The following CDHR3 variants were observed in gnomAD, a reference collection of about 807,000 sequenced individuals.
CDHR3 encodes the protein cadherin-related family member 3.
Under a neutral mutation model 86.6 loss-of-function variants are expected in CDHR3, and 79 were observed. The ratio of observed to expected loss-of-function variants is 0.91; its 90% confidence interval spans 0.76 to 1.10. CDHR3 has a LOEUF of 1.10. CDHR3 is among the 50% of genes least tolerant of loss of function. The probability of loss-of-function intolerance (pLI) is 0.00; values close to 1 mark genes in which losing one functional copy is unlikely to be tolerated. For synonymous variants in CDHR3, 421 were observed against 402.4 expected (o/e 1.05, Z -0.55); for missense variants, 1,081 against 1,077.6 (o/e 1.00, Z -0.04).
intron 11 of CDHR3, among the ~76,000 whole-genome samples, chr7:106,016,709 C>T (rs1247757756): frequency 9.9e-5 from 15 of 152,234 alleles, no homozygotes; most frequent in African/African-American, 3.6e-4. Flanking sequence ...CCAAAACGCT[C>T]CCTCTAAAAT....
In CDHR3 at chr7:105,974,944, A is replaced by G. The variant is rs1828567026; in HGVS notation, c.147A>G (p.Ser49=). 2.5e-6 allele frequency: 4 copies of G among 1,613,814 alleles called. No homozygotes were observed. Among genetic ancestry groups the G allele is most frequent in the African/African-American group, 1.3e-5 (1 of 75,034 alleles). ...TGCACAAGTTTTCTGTGAAGTTATCAGCATCATTGTCACCTGTGATCCCAG... is the reference window on the plus strand; with the variant it reads ...TGCACAAGTTTTCTGTGAAGTTATCGGCATCATTGTCACCTGTGATCCCAG... ...TSVHKFSVKL[S]ASLSPVIPGF... The change falls in exon 2 of 19, where the codon TCA becomes TCG. Residue 49 remains serine (S), a synonymous_variant. Coordinates refer to ENST00000317716, the MANE Select transcript of CDHR3 (RefSeq NM_152750.5).
chr7:106,023,438 A>G (rs1836878318), intron 14 of CDHR3, among the ~76,000 whole-genome samples: 1 of 152,198 alleles, frequency 6.6e-6, no homozygotes, highest in African/African-American at 2.4e-5. Flanking sequence ...ATTGGCCTGG[A>G]GAAGGAAGGG....
intron 1 of CDHR3, among the ~76,000 whole-genome samples, chr7:105,969,104 TA>T (rs1827474326): frequency 9.2e-6 from 1 of 108,386 alleles, no homozygotes; most frequent in Admixed American, 9.6e-5. Context: ...AAAATAAAAA[TA>T]AAAAAAGTGG....
intron 14 of CDHR3, 127 bp downstream of exon 14, chr7:106,022,575 A>ATTTT: frequency 7.4e-7 from 1 of 1,346,784 alleles, no homozygotes; most frequent in Non-Finnish European, 1.0e-6. Context: ...GTTGCCAAAA[A>ATTTT]TGGCAACCAT....
At chr7:105,989,413 TA>T (rs1563251503) in intron 4 of CDHR3, among the ~76,000 whole-genome samples, 1 of 151,954 alleles carries the variant, frequency 6.6e-6, no homozygotes, top group Non-Finnish European at 1.5e-5. Context: ...ATTTCTCCAT[TA>T]AGGGGCTTTC....
At chr7:105,986,050 G>A (rs762917338) in intron 4 of CDHR3, among the ~76,000 whole-genome samples, 6 of 152,044 alleles carry the variant, frequency 3.9e-5, no homozygotes, top group Admixed American at 1.3e-4. Context: ...TGCACCTCCC[G>A]GATTTACCTC....
intron 2 of CDHR3, among the ~76,000 whole-genome samples, chr7:105,978,022 G>A (rs1829091221): frequency 1.3e-5 from 2 of 152,234 alleles, no homozygotes; most frequent in Non-Finnish European, 2.9e-5. Context: ...ATGAAGTGGT[G>A]TACTGTTGCT....
intron 1 of CDHR3, among the ~76,000 whole-genome samples, chr7:105,970,374 T>C (rs567232905): frequency 6.6e-6 from 1 of 152,350 alleles, no homozygotes; most frequent in South Asian, 2.1e-4. Context: ...ATCCAGATCT[T>C]AGCCACAAGC....
In CDHR3 at chr7:106,032,431, G is replaced by C. The variant is rs140818720; in HGVS notation, c.2392G>C (p.Ala798Pro). The C allele has an allele frequency of 1.9e-6, 3 of 1,611,762 alleles. No individual in the cohort carries two copies. Among genetic ancestry groups the C allele is most frequent in the East Asian group, 2.2e-5 (1 of 44,818 alleles). Reference sequence around the variant, plus strand: ...ATATGAATTCAACTCAAAAACTGGAGCCAGAAAGTGGAAAGATCCACTAAC... The same window carrying C: ...ATATGAATTCAACTCAAAAACTGGACCCAGAAAGTGGAAAGATCCACTAAC... ...ETYEFNSKTG[A>P]RKWKDPLTQM... is the part of the protein sequence containing the mutation. The change falls in exon 19 of 19, where the codon GCC becomes CCC. Residue 798 changes from alanine (A) to proline (P), a missense_variant. Ala to Pro is a conservative substitution (Grantham distance 27, BLOSUM62 -1). Transcript: ENST00000317716.
intron 2 of CDHR3, among the ~76,000 whole-genome samples, chr7:105,978,068 G>A (rs1003779926): frequency 1.3e-5 from 2 of 152,200 alleles, no homozygotes; most frequent in African/African-American, 4.8e-5. Context: ...GGCATAGAGA[G>A]GTTGAGCAAC....
intron 12 of CDHR3, among the ~76,000 whole-genome samples, chr7:106,018,600 A>G (rs777572854): frequency 7.9e-5 from 12 of 152,146 alleles, no homozygotes; most frequent in Non-Finnish European, 1.8e-4. Context: ...TTGGCCAGAT[A>G]TTAGAATGTC....
At chr7:105,978,592 A>T (rs939487437) in intron 2 of CDHR3, among the ~76,000 whole-genome samples, 1 of 152,120 alleles carries the variant, frequency 6.6e-6, no homozygotes, top group East Asian at 1.9e-4. Flanking sequence ...TCTCCTAGCT[A>T]ATCTCCTTAA....
intron 12 of CDHR3, 130 bp from the exon 13 acceptor site, chr7:106,020,243 C>A: frequency 1.4e-6 from 1 of 735,430 alleles, no homozygotes; most frequent in African/African-American, 1.8e-5. Flanking sequence ...TGGGAATAAT[C>A]ATGTTAGCTA....
intron 1 of CDHR3, 58 bp downstream of exon 1, chr7:105,963,422 T>A: frequency 6.5e-7 from 1 of 1,547,088 alleles, no homozygotes; most frequent in Non-Finnish European, 8.9e-7. Context: ...CATAATACCA[T>A]TGAATGACAA....
chr7:106,015,014 A>G lies in CDHR3; in HGVS notation c.1225-97A>G, dbSNP rs1020264234. On this transcript the variant is annotated intron_variant, in intron 9 of 18. Transcript: ENST00000317716. ...AGTGTTTGCCAAAAGCGTTTTGCCAATTTATATATCCACTAGCAGTATATG... is the reference window on the plus strand; with the variant it reads ...AGTGTTTGCCAAAAGCGTTTTGCCAGTTTATATATCCACTAGCAGTATATG... The G allele has an allele frequency of 7.1e-6, 7 of 980,252 alleles. No homozygotes were observed. The African/African-American group carries it at 9.9e-5, about 14-fold the overall frequency. 60.7% of individuals were successfully genotyped at this position (980,252 alleles called of 1,614,324 possible).
intron 8 of CDHR3, among the ~76,000 whole-genome samples, chr7:106,010,208 A>C (rs1834586250): frequency 6.6e-6 from 1 of 152,178 alleles, no homozygotes; most frequent in African/African-American, 2.4e-5. Context: ...TTATGCATGG[A>C]AGTTAAAGTT....
chr7:106,020,679 G>C, intron 13 of CDHR3, 135 bp downstream of exon 13: 1 of 974,110 alleles, frequency 1.0e-6, no homozygotes, highest in Non-Finnish European at 1.5e-6. Flanking sequence ...TTTTGAGATA[G>C]GGTCTTGCTA....
chr7:106,022,103 T>C, intron 13 of CDHR3, 95 bp from the exon 14 acceptor site: 1 of 1,477,376 alleles, frequency 6.8e-7, no homozygotes, highest in Middle Eastern at 1.8e-4. Flanking sequence ...GTGTGGACAT[T>C]TGAGAAAAAG....
intron 7 of CDHR3, 43 bp from the exon 8 acceptor site, chr7:106,004,455 C>T (rs989952622): frequency 2.1e-5 from 32 of 1,514,298 alleles, no homozygotes; most frequent in Non-Finnish European, 2.9e-5. Context: ...TATTCCTTTT[C>T]ATTTCTCTTC....
Sources: gnomAD v4.1 joint callset for allele counts (sites outside exome capture counted in the v4.1 genomes callset) on GRCh38, gnomAD v4.1.1 for gene constraint, MANE v1.5 for transcripts, NCBI Gene and HGNC (gene_info 2026-07-23, HGNC 2026-07-21) for gene names.